The following SEMA5A variants were observed in gnomAD, a reference collection of about 807,000 sequenced individuals.
SEMA5A encodes semaphorin 5A.
Under a neutral mutation model 135.5 loss-of-function variants are expected in SEMA5A, and 55 were observed. The observed-to-expected ratio is 0.41, with a 90% CI of 0.33 to 0.51. The LOEUF (loss-of-function observed/expected upper bound fraction) is 0.51, where lower values mean the gene tolerates loss of function less well. SEMA5A is among the 20% of genes least tolerant of loss of function. SEMA5A has a pLI of 0.37. For missense variants in SEMA5A, 1,290 were observed against 1,419.9 expected (o/e 0.91, Z 1.47); for synonymous variants, 580 against 546.5 (o/e 1.06, Z -0.85).
intron 1 of SEMA5A, chr5:9,498,376 A>G (rs1735407532): frequency 6.6e-6 from 1 of 152,242 alleles, no homozygotes; most frequent in Non-Finnish European, 1.5e-5. Flanking sequence ...TTCACCATCC[A>G]TCGAATTCTT....
chr5:9,499,229 G>A (rs953714302), intron 1 of SEMA5A, among the ~76,000 whole-genome samples: 1 of 152,074 alleles, frequency 6.6e-6, no homozygotes, highest in Admixed American at 6.6e-5. Context: ...AAACCTTTAT[G>A]GAGCACTTGA....
chr5:9,357,074 C>T (rs1049541065), intron 3 of SEMA5A, among the ~76,000 whole-genome samples: 60 of 152,276 alleles, frequency 3.9e-4, no homozygotes, highest in African/African-American at 1.4e-3. Context: ...CTGTTTCCTA[C>T]CTGAAGGTCA....
rs1346946791 is a variant in SEMA5A at position 9,448,931 on chromosome 5, A to C, written c.-174-11079T>G. 2.0e-5 allele frequency among the ~76,000 whole-genome samples: 3 copies of C among 152,244 alleles called. No homozygotes were observed. In the East Asian group the frequency reaches 5.8e-4, roughly 29 times the overall value. On this transcript the variant is annotated intron_variant, in intron 1 of 22. Transcript: ENST00000382496. Reference sequence around the variant, plus strand: ...ACTTCACATTCCCAAGGCCAGGCCTAAGTAAATGAGCATATTCAAGAACAA... The same window carrying C: ...ACTTCACATTCCCAAGGCCAGGCCTCAGTAAATGAGCATATTCAAGAACAA...
chr5:9,459,470 C>T (rs914619414), intron 1 of SEMA5A, among the ~76,000 whole-genome samples: 2 of 152,168 alleles, frequency 1.3e-5, no homozygotes, highest in African/African-American at 4.8e-5. Context: ...GCTGAAAAAG[C>T]CTCCAGCAAG....
intron 10 of SEMA5A, among the ~76,000 whole-genome samples, 183 bp downstream of exon 10, chr5:9,196,985 G>A (rs1283549111): frequency 2.0e-5 from 3 of 152,186 alleles, no homozygotes; most frequent in Non-Finnish European, 4.4e-5. Context: ...AGGCGCCACA[G>A]TTCACAAAAG....
intron 1 of SEMA5A, among the ~76,000 whole-genome samples, chr5:9,438,093 G>A (rs1242491721): frequency 1.3e-5 from 2 of 152,166 alleles, no homozygotes; most frequent in Non-Finnish European, 2.9e-5. Flanking sequence ...ACATTTAAAT[G>A]CTGTTAACAG....
chr5:9,086,296 C>T (rs1225467523), intron 16 of SEMA5A, among the ~76,000 whole-genome samples: 14 of 152,140 alleles, frequency 9.2e-5, no homozygotes, highest in South Asian at 8.3e-4. Context: ...TATGGTTTGG[C>T]TCTGTGTCCC....
chr5:9,077,634 A>C lies in SEMA5A; in HGVS notation c.2074-10988T>G, dbSNP rs527751943. Among the ~76,000 whole-genome samples the C allele has an allele frequency of 5.3e-5, 8 of 152,294 alleles. No individual in the cohort carries two copies. In the South Asian group the frequency reaches 1.7e-3, roughly 32 times the overall value. On this transcript the variant is annotated intron_variant, in intron 16 of 22. Coordinates refer to ENST00000382496, the MANE Select transcript of SEMA5A (RefSeq NM_003966.3). The stretch of plus-strand genomic sequence containing the variant: ...AACCTTTATTATGCCACTTGTTTGC[A>C]AGGCGGTCTCCCAAGCATGTGAGCT...
chr5:9,488,662 T>A (rs1212757970), intron 1 of SEMA5A, among the ~76,000 whole-genome samples: 1 of 152,140 alleles, frequency 6.6e-6, no homozygotes, highest in African/African-American at 2.4e-5. Flanking sequence ...CTATGCTCTC[T>A]CACGCAGCCC....
At chr5:9,093,700 A>AC (rs1739164179) in intron 16 of SEMA5A, among the ~76,000 whole-genome samples, 1 of 151,770 alleles carries the variant, frequency 6.6e-6, no homozygotes, top group Non-Finnish European at 1.5e-5. Flanking sequence ...CTCAAAAAAA[A>AC]ACAAAAAAAC....
At chr5:9,147,371 T>G (rs1579480315) in intron 12 of SEMA5A, among the ~76,000 whole-genome samples, 1 of 151,934 alleles carries the variant, frequency 6.6e-6, no homozygotes, top group Non-Finnish European at 1.5e-5. Context: ...CTCCTGGGTT[T>G]AAGCGATTCT....
chr5:9,430,952 GA>G (rs144853358), intron 2 of SEMA5A, among the ~76,000 whole-genome samples: 7,331 of 148,756 alleles, frequency 0.049, 478 homozygotes, highest in African/African-American at 0.14. Flanking sequence ...ATTCCTATTG[GA>G]AAAAAAAATA....
chr5:9,531,916 C>A (rs1737462588), intron 1 of SEMA5A, among the ~76,000 whole-genome samples: 1 of 152,226 alleles, frequency 6.6e-6, no homozygotes, highest in African/African-American at 2.4e-5. Flanking sequence ...CCATCATAAG[C>A]CCCTCTCTAA....
chr5:9,310,029 T>C (rs1039900556), intron 5 of SEMA5A, among the ~76,000 whole-genome samples: 4 of 117,626 alleles, frequency 3.4e-5, no homozygotes, highest in Non-Finnish European at 5.9e-5. Flanking sequence ...CAATCAAACA[T>C]TGATAAACTA....
At chr5:9,205,813 G>C (rs1034056026) in intron 8 of SEMA5A, among the ~76,000 whole-genome samples, 2 of 152,188 alleles carry the variant, frequency 1.3e-5, no homozygotes, top group Admixed American at 6.5e-5. Flanking sequence ...TGATCCTTCA[G>C]GATGAGGGTG....
At chr5:9,195,252 G>C (rs1478870005) in intron 10 of SEMA5A, among the ~76,000 whole-genome samples, 1 of 152,124 alleles carries the variant, frequency 6.6e-6, no homozygotes, top group Admixed American at 6.5e-5. Flanking sequence ...CTCACTGATT[G>C]AACTCCTGGG....
chr5:9,147,576 C>G (rs1220657317), intron 12 of SEMA5A, among the ~76,000 whole-genome samples: 1 of 152,084 alleles, frequency 6.6e-6, no homozygotes, highest in Non-Finnish European at 1.5e-5. Flanking sequence ...TGCCCAATGT[C>G]TTTTTCTTAA....
chr5:9,049,201 G>T (rs751895718), intron 21 of SEMA5A, among the ~76,000 whole-genome samples: 5 of 150,968 alleles, frequency 3.3e-5, no homozygotes, highest in Admixed American at 6.6e-5. Context: ...TCATTCTGTC[G>T]CCCAGGCTGG....
At position 9,499,831 on chromosome 5, in the gene SEMA5A, C is replaced by T. The variant is rs993809192; in HGVS notation, c.-175+45753G>A. Reference sequence around the variant, plus strand: ...TCCACTAATAACAAAAACCAAACATCACATGGAGCACAGAGCACAGAAGTG... The same window carrying T: ...TCCACTAATAACAAAAACCAAACATTACATGGAGCACAGAGCACAGAAGTG... On this transcript the variant is annotated intron_variant, in intron 1 of 22. Coordinates refer to ENST00000382496, the MANE Select transcript of SEMA5A (RefSeq NM_003966.3). Among the ~76,000 whole-genome samples, 9 of 152,088 alleles carry T rather than the reference C, an allele frequency of 5.9e-5. No individual in the cohort carries two copies. In the East Asian group the frequency reaches 1.7e-3, roughly 29 times the overall value.
Sources: gnomAD v4.1 joint callset for allele counts (sites outside exome capture counted in the v4.1 genomes callset) on GRCh38, gnomAD v4.1.1 for gene constraint, MANE v1.5 for transcripts, NCBI Gene and HGNC (gene_info 2026-07-23, HGNC 2026-07-21) for gene names.